CDKAL1: variants seen among roughly 807,000 people sequenced by gnomAD.
CDKAL1 encodes CDKAL1 threonylcarbamoyladenosine tRNA methylthiotransferase.
CDKAL1 carries 32 observed loss-of-function variants against 68.2 expected under a neutral mutation model. That is an observed-to-expected ratio of 0.47 (90% CI 0.35 to 0.63). The LOEUF is 0.63. Ranked by LOEUF, CDKAL1 falls within the 30% of genes least tolerant of loss-of-function variation. The pLI is 0.00. For synonymous variants in CDKAL1, 234 were observed against 244.3 expected, an observed-to-expected ratio of 0.96 and a Z score of 0.39; for missense variants, 606 against 696.7, an observed-to-expected ratio of 0.87 and a Z score of 1.47.
chr6:20,886,600 C>A (rs1761077915), intron 9 of CDKAL1, among the ~76,000 whole-genome samples: 1 of 152,050 alleles, frequency 6.6e-6, no homozygotes, highest in African/African-American at 2.4e-5. Flanking sequence ...GCATGATGAA[C>A]CCTGAAAGCA....
rs142945762 is a variant in CDKAL1, at chr6:20,610,202, C to T, written c.287-39091C>T. 3.5e-4 allele frequency among the ~76,000 whole-genome samples: 53 copies of T among 152,198 alleles called. No homozygotes were observed. In the East Asian group the frequency reaches 9.8e-3, roughly 28 times the overall value. On this transcript the variant is annotated intron_variant, in intron 4 of 15. Coordinates refer to ENST00000274695, the MANE Select transcript of CDKAL1 (RefSeq NM_017774.3). ...CATTGATGGACATTTAGGTTGATTC[C>T]GTGTCTTTGCTATTGTGAATAGTGC...
At chr6:20,583,791 C>CA (rs386406379) in intron 4 of CDKAL1, among the ~76,000 whole-genome samples, 3 of 150,308 alleles carry the variant, frequency 2.0e-5, no homozygotes, top group East Asian at 3.9e-4. Context: ...AGCGCCCCCC[C>CA]CCACTAGTTT....
chr6:20,894,761 A>T (rs1043070468), intron 9 of CDKAL1, among the ~76,000 whole-genome samples: 1 of 152,192 alleles, frequency 6.6e-6, no homozygotes, highest in African/African-American at 2.4e-5. Flanking sequence ...AATCCTCAGC[A>T]CTTTGGGAGG....
chr6:20,866,295 G>T (rs1405749563), intron 9 of CDKAL1, among the ~76,000 whole-genome samples: 2 of 152,112 alleles, frequency 1.3e-5, no homozygotes, highest in East Asian at 3.8e-4. Context: ...AACTGTTAAT[G>T]AATAGCTATT....
chr6:20,710,611 A>T (rs1052308391), intron 5 of CDKAL1, among the ~76,000 whole-genome samples: 1 of 152,222 alleles, frequency 6.6e-6, no homozygotes, highest in African/African-American at 2.4e-5. Context: ...TAAACTGATA[A>T]CAATCAGTAA....
At chr6:20,583,469 G>GA (rs536517044) in intron 4 of CDKAL1, among the ~76,000 whole-genome samples, 80 of 152,274 alleles carry the variant, frequency 5.3e-4, no homozygotes, top group Admixed American at 3.7e-3. Context: ...GCTTGCAGAT[G>GA]AAAACCTTAA....
At chr6:21,050,613 A>G (rs987839018) in intron 11 of CDKAL1, among the ~76,000 whole-genome samples, 12 of 152,166 alleles carry the variant, frequency 7.9e-5, no homozygotes, top group African/African-American at 2.7e-4. Flanking sequence ...GTTTGTGACT[A>G]TGCAAAAAAG....
intron 8 of CDKAL1, among the ~76,000 whole-genome samples, chr6:20,805,314 A>G (rs1030933295): frequency 2.0e-5 from 3 of 152,212 alleles, no homozygotes; most frequent in Non-Finnish European, 4.4e-5. Flanking sequence ...GTGTGTTAGT[A>G]TCTAGAGACC....
rs546920406 is a variant in CDKAL1, at chr6:21,059,193, A to C, written c.1056-5855A>C. 8.5e-5 allele frequency among the ~76,000 whole-genome samples: 13 copies of C among 152,320 alleles called. 1 individual carries two copies. The East Asian group carries it at 2.3e-3, about 27-fold the overall frequency. On this transcript the variant is annotated intron_variant, in intron 11 of 15. Transcript: ENST00000274695. ...CACCTAAAGAAGCAGTCTGGCCATGATCTGCCACAGCCACTGTGCTGCATT... is the reference window on the plus strand; with the variant it reads ...CACCTAAAGAAGCAGTCTGGCCATGCTCTGCCACAGCCACTGTGCTGCATT...
chr6:20,909,180 CATGTATGTGTGTGTGT>C (rs1317538361), intron 9 of CDKAL1, among the ~76,000 whole-genome samples: 5 of 99,766 alleles, frequency 5.0e-5, no homozygotes, highest in African/African-American at 7.4e-5. Context: ...TATATGTGTG[CATGTATGTGTGTGTGT>C]GTGTGTGTGT....
chr6:20,788,706 T>C (rs1008836622), intron 8 of CDKAL1, among the ~76,000 whole-genome samples: 1 of 152,236 alleles, frequency 6.6e-6, no homozygotes, highest in Non-Finnish European at 1.5e-5. Flanking sequence ...CTGTATCTTC[T>C]ACTCTACCGT....
intron 4 of CDKAL1, among the ~76,000 whole-genome samples, chr6:20,614,795 A>G (rs1265544990): frequency 6.6e-6 from 1 of 152,060 alleles, no homozygotes; most frequent in African/African-American, 2.4e-5. Context: ...TTTGTTTATT[A>G]TACTTTAAGT....
At chr6:21,007,805 A>G (rs1005782726) in intron 11 of CDKAL1, among the ~76,000 whole-genome samples, 31 of 152,188 alleles carry the variant, frequency 2.0e-4, no homozygotes, top group African/African-American at 7.2e-4. Context: ...TAATTTGCCC[A>G]AAGTCATGCA....
chr6:20,778,598 C>T (rs910767327), intron 7 of CDKAL1, among the ~76,000 whole-genome samples: 1 of 152,122 alleles, frequency 6.6e-6, no homozygotes, highest in Non-Finnish European at 1.5e-5. Context: ...AGCTGGAAAC[C>T]TCAGAGAGCT....
intron 10 of CDKAL1, among the ~76,000 whole-genome samples, chr6:20,963,166 A>G (rs1300766734): frequency 6.6e-6 from 1 of 152,150 alleles, no homozygotes; most frequent in South Asian, 2.1e-4. Context: ...TTGCCTGCCA[A>G]AGGATCTAAT....
intron 13 of CDKAL1, among the ~76,000 whole-genome samples, chr6:21,165,834 G>A (rs927883835): frequency 3.3e-5 from 5 of 152,134 alleles, no homozygotes; most frequent in Non-Finnish European, 7.3e-5. Flanking sequence ...AGAGCTTTAC[G>A]CACCTGTGGG....
intron 8 of CDKAL1, among the ~76,000 whole-genome samples, chr6:20,810,443 C>T (rs1776758439): frequency 8.6e-6 from 1 of 116,872 alleles, no homozygotes; most frequent in Non-Finnish European, 1.8e-5. Flanking sequence ...CACACACACA[C>T]ACGTGGTGTC....
chr6:20,718,401 C>G (rs1772191796), intron 5 of CDKAL1, among the ~76,000 whole-genome samples: 1 of 152,136 alleles, frequency 6.6e-6, no homozygotes, highest in Non-Finnish European at 1.5e-5. Context: ...TAGGACCACC[C>G]CTTAAACTCT....
chr6:20,749,798 C>T (rs962196122), intron 6 of CDKAL1, among the ~76,000 whole-genome samples: 2 of 152,086 alleles, frequency 1.3e-5, no homozygotes, highest in African/African-American at 4.8e-5. Flanking sequence ...CTGCCCACCT[C>T]GGCCTCCCAA....
Sources: allele counts gnomAD v4.1 joint callset (sites outside exome capture counted in the v4.1 genomes callset), GRCh38; gene constraint gnomAD v4.1.1; transcripts MANE v1.5; gene names NCBI Gene and HGNC (gene_info 2026-07-23, HGNC 2026-07-21).